TAFA1: variants seen among roughly 807,000 people sequenced by gnomAD.
TAFA1 encodes chemokine-like protein TAFA-1.
A neutral mutation model predicts 18.5 loss-of-function variants in TAFA1; 4 were observed. The observed-to-expected ratio is 0.22, with a 90% CI of 0.11 to 0.49. TAFA1 has a LOEUF of 0.49. Among genes scored for constraint, TAFA1 ranks in the 20% least tolerant of loss-of-function variants. The probability of loss-of-function intolerance (pLI) is 0.98; values close to 1 mark genes in which losing one functional copy is unlikely to be tolerated. For missense variants in TAFA1, 147 were observed against 169.0 expected, an observed-to-expected ratio of 0.87 and a Z score of 0.72; for synonymous variants, 56 against 55.2, an observed-to-expected ratio of 1.01 and a Z score of -0.06.
intron 2 of TAFA1, among the ~76,000 whole-genome samples, chr3:68,272,023 C>T (rs1002895282): frequency 4.6e-5 from 7 of 152,076 alleles, no homozygotes; most frequent in Non-Finnish European, 1.0e-4. Context: ...TCTCTTTCCC[C>T]GATCCTATTG....
At chr3:68,343,023 T>TTGCACTTTGTAGGGGTGGGTGAGGATCTA (rs2069109703) in intron 2 of TAFA1, among the ~76,000 whole-genome samples, 2 of 152,176 alleles carry the variant, frequency 1.3e-5, no homozygotes, top group African/African-American at 4.8e-5. Flanking sequence ...GCCTGTCAGG[T>TTGCACTTTGTAGGGGTGGGTGAGGATCTA]TGCACTTTGT....
chr3:68,209,528 C>T (rs1181748765), intron 2 of TAFA1, among the ~76,000 whole-genome samples: 1 of 151,904 alleles, frequency 6.6e-6, no homozygotes, highest in African/African-American at 2.4e-5. Flanking sequence ...TATCATTGTC[C>T]CTTCTTGCTT....
Position 68,333,331 on chromosome 3 carries a change from T to C in TAFA1, c.119-83949T>C, listed in dbSNP as rs560423022. Among the ~76,000 whole-genome samples, 6 of 152,310 alleles carry C rather than the reference T, an allele frequency of 3.9e-5. No homozygotes were observed. The South Asian group carries it at 1.2e-3, about 32-fold the overall frequency. ...CTGCACGTAGTGAGATGATATCCTT[T>C]GCAGCAATGTGGATGAAGGTAGAGA... is the stretch of plus-strand genomic sequence containing the variant. On this transcript the variant is annotated intron_variant, in intron 2 of 4. Coordinates refer to ENST00000478136, the MANE Select transcript of TAFA1 (RefSeq NM_213609.4).
At chr3:68,481,145 C>G (rs2072230290) in intron 3 of TAFA1, among the ~76,000 whole-genome samples, 1 of 152,254 alleles carries the variant, frequency 6.6e-6, no homozygotes, top group East Asian at 1.9e-4. Flanking sequence ...CAAAGACTAC[C>G]ATGTTTTTGA....
chr3:67,995,692 G>A, the TAFA1 span, among the ~76,000 whole-genome samples: 1 of 152,104 alleles, frequency 6.6e-6, no homozygotes, highest in South Asian at 2.1e-4. Context: ...AGGGGACAAA[G>A]GGGTGGAGAA....
intron 2 of TAFA1, among the ~76,000 whole-genome samples, chr3:68,120,217 C>A (rs938772346): frequency 5.6e-5 from 7 of 124,032 alleles, no homozygotes; most frequent in Middle Eastern, 3.6e-3. Flanking sequence ...TTCTTTCTTT[C>A]TTTCTTTCTT....
chr3:68,284,482 C>T (rs978967789), intron 2 of TAFA1, among the ~76,000 whole-genome samples: 14 of 152,282 alleles, frequency 9.2e-5, no homozygotes, highest in Admixed American at 9.2e-4. Flanking sequence ...AATTCTTTCA[C>T]TAAACATGCA....
At chr3:68,091,116 A>G (rs2065025096) in intron 2 of TAFA1, among the ~76,000 whole-genome samples, 1 of 152,192 alleles carries the variant, frequency 6.6e-6, no homozygotes, top group Non-Finnish European at 1.5e-5. Flanking sequence ...TCTTAGCTGA[A>G]AGATTTACCC....
chr3:68,492,518 G>T (rs752980197), intron 3 of TAFA1, among the ~76,000 whole-genome samples: 2 of 152,094 alleles, frequency 1.3e-5, no homozygotes, highest in Non-Finnish European at 2.9e-5. Flanking sequence ...AGTGAAAGAA[G>T]AAACCAATGA....
At chr3:68,228,562 G>A (rs1465373537) in intron 2 of TAFA1, among the ~76,000 whole-genome samples, 2 of 152,094 alleles carry the variant, frequency 1.3e-5, no homozygotes, top group Admixed American at 6.5e-5. Context: ...ACTCCTGCTC[G>A]ACTGCTTAGT....
At position 68,187,870 on chromosome 3, in the gene TAFA1, T is replaced by C. The variant is rs112553621; in HGVS notation, c.118+181126T>C. Among the ~76,000 whole-genome samples the C allele has an allele frequency of 2.6e-4, 39 of 152,104 alleles. 2 individuals carry two copies. Among genetic ancestry groups the C allele is most frequent in the African/African-American group, 7.7e-4 (32 of 41,556 alleles). On this transcript the variant is annotated intron_variant, in intron 2 of 4. Transcript: ENST00000478136. Reference sequence around the variant, plus strand: ...ATTTTGGCCATTTTAGTGAGTATTATGGTAGCATTGCGGCTTTAATTTGCA... The same window carrying C: ...ATTTTGGCCATTTTAGTGAGTATTACGGTAGCATTGCGGCTTTAATTTGCA...
At chr3:68,487,998 C>T (rs370664392) in intron 3 of TAFA1, among the ~76,000 whole-genome samples, 5 of 152,040 alleles carry the variant, frequency 3.3e-5, no homozygotes, top group African/African-American at 1.2e-4. Flanking sequence ...CAGATGCCCC[C>T]ACATAGCAAT....
intron 2 of TAFA1, among the ~76,000 whole-genome samples, chr3:68,414,693 A>G (rs2070778060): frequency 6.6e-6 from 1 of 152,164 alleles, no homozygotes; most frequent in African/African-American, 2.4e-5. Flanking sequence ...CTCTTTGACA[A>G]CAGTGCCATG....
intron 2 of TAFA1, among the ~76,000 whole-genome samples, chr3:68,408,588 C>T (rs975471070): frequency 6.6e-6 from 1 of 152,242 alleles, no homozygotes; most frequent in Middle Eastern, 3.4e-3. Flanking sequence ...CCTTTTCTTT[C>T]CCTTTACATT....
chr3:68,180,545 G>A (rs965745685), intron 2 of TAFA1, among the ~76,000 whole-genome samples: 1 of 152,140 alleles, frequency 6.6e-6, no homozygotes, highest in Non-Finnish European at 1.5e-5. Context: ...TGGGATTTAT[G>A]GTTTCTTTTG....
At chr3:68,482,996 G>T (rs372955490) in intron 3 of TAFA1, among the ~76,000 whole-genome samples, 9 of 152,192 alleles carry the variant, frequency 5.9e-5, no homozygotes, top group Admixed American at 3.9e-4. Flanking sequence ...GTTGGGGTCA[G>T]TTCTGTTGTT....
At chr3:68,261,514 C>T (rs532953501) in intron 2 of TAFA1, among the ~76,000 whole-genome samples, 45 of 152,222 alleles carry the variant, frequency 3.0e-4, no homozygotes, top group Non-Finnish European at 5.0e-4. Context: ...TGGAACCAAC[C>T]CAAATGTCCA....
At chr3:68,362,323 C>A (rs7639960) in intron 2 of TAFA1, among the ~76,000 whole-genome samples, 16,259 of 152,082 alleles carry the variant, frequency 0.11, 1,035 homozygotes, top group East Asian at 0.26. Context: ...TGTCATTATT[C>A]ACTTTGCTCC....
rs1459853774 is a variant in TAFA1, at chr3:68,375,823, A to G, written c.119-41457A>G. On this transcript the variant is annotated intron_variant, in intron 2 of 4. Transcript: ENST00000478136. Reference sequence around the variant, plus strand: ...CTATTTTTTGTATGTGCATATATAAATATCCCACAGAGGCTTCTAATATAC... The same window carrying G: ...CTATTTTTTGTATGTGCATATATAAGTATCCCACAGAGGCTTCTAATATAC... Among the ~76,000 whole-genome samples the G allele has an allele frequency of 9.2e-5, 14 of 152,220 alleles. 1 individual carries two copies. The South Asian group carries it at 2.5e-3, about 27-fold the overall frequency.
Sources: gnomAD v4.1 joint callset for allele counts (sites outside exome capture counted in the v4.1 genomes callset) on GRCh38, gnomAD v4.1.1 for gene constraint, MANE v1.5 for transcripts, NCBI Gene and HGNC (gene_info 2026-07-23, HGNC 2026-07-21) for gene names.